UBE3B: variants seen among roughly 807,000 people sequenced by gnomAD.
UBE3B encodes the protein ubiquitin-protein ligase E3B.
In UBE3B, 80 loss-of-function variants were observed where a neutral mutation model predicts 132.3. The ratio of observed to expected loss-of-function variants is 0.60; its 90% CI spans 0.50 to 0.73. UBE3B has a LOEUF of 0.73. Among genes scored for constraint, UBE3B ranks in the 30% least tolerant of loss-of-function variants. The probability of loss-of-function intolerance (pLI) is 0.00; values close to 1 mark genes in which losing one functional copy is unlikely to be tolerated. For synonymous variants in UBE3B, 487 were observed against 520.4 expected (o/e 0.94, Z 0.87); for missense variants, 1,196 against 1,362.5 (o/e 0.88, Z 1.92).
intron 9 of UBE3B, chr12:109,491,375 A>G (rs183332870): frequency 2.6e-3 from 958 of 368,084 alleles, no homozygotes; most frequent in Non-Finnish European, 4.0e-3. Flanking sequence ...AAACTATTCA[A>G]AATGAATTTC....
intron 26 of UBE3B, among the ~76,000 whole-genome samples, chr12:109,531,973 C>T (rs1358378593): frequency 2.0e-5 from 3 of 151,870 alleles, no homozygotes; most frequent in African/African-American, 7.3e-5. Context: ...GCATACAGGC[C>T]CCAGAGCCAA....
intron 24 of UBE3B, chr12:109,528,358 G>A (rs1388680115): frequency 1.0e-6 from 1 of 985,200 alleles, no homozygotes; most frequent in Non-Finnish European, 1.2e-6. Flanking sequence ...CTGCTTCAAA[G>A]TATACCTGGA....
intron 21 of UBE3B, among the ~76,000 whole-genome samples, chr12:109,523,664 T>C (rs1881969367): frequency 6.7e-6 from 1 of 149,666 alleles, no homozygotes; most frequent in African/African-American, 2.5e-5. Flanking sequence ...TCCTCTTAAC[T>C]GAGAGGCTGG....
Position 109,521,797 on chromosome 12 carries a change from C to T in UBE3B, c.2364+246C>T, listed in dbSNP as rs1361615617. Among the ~76,000 whole-genome samples the T allele has an allele frequency of 6.6e-6, 1 of 152,032 alleles. No individual in the cohort carries two copies. Among genetic ancestry groups the T allele is most frequent in the Non-Finnish European group, 1.5e-5 (1 of 68,004 alleles). The stretch of plus-strand genomic sequence containing the variant: ...GTCCTGGCTATTTAAGGATGGGAGA[C>T]CTGAAGCTTTGAGGAGTCACCTGTC... On this transcript the variant is annotated intron_variant, in intron 21 of 27. Transcript: ENST00000342494. This position sits in a 1 kb window ranked among gnomAD's most constrained non-coding sequence, Gnocchi z 4.2.
intron 13 of UBE3B, among the ~76,000 whole-genome samples, chr12:109,502,484 C>G (rs1879125969): frequency 6.6e-6 from 1 of 152,206 alleles, no homozygotes; most frequent in Admixed American, 6.5e-5. Flanking sequence ...GTCTGTTCTT[C>G]TACTGAGTGT....
At chr12:109,491,272 G>A in intron 9 of UBE3B, 145 bp downstream of exon 9, 2 of 637,462 alleles carry the variant, frequency 3.1e-6, no homozygotes, top group Non-Finnish European at 5.1e-6. Context: ...ATGAAAGTGA[G>A]CACATTTGTG....
chr12:109,526,554 C>T (rs1882355074), intron 24 of UBE3B, 138 bp downstream of exon 24: 2 of 910,452 alleles, frequency 2.2e-6, no homozygotes, highest in African/African-American at 3.3e-5. Context: ...TTACTGGTTA[C>T]AGTTCATAGG....
In UBE3B at chr12:109,534,061, A is replaced by ATT. The variant is rs1883228586; in HGVS notation, c.3015+504_3015+505insTT. The ATT allele has an allele frequency of 3.9e-6, 5 of 1,294,162 alleles. No homozygotes were observed. The South Asian group carries it at 6.2e-5, about 16-fold the overall frequency. The allele number at this position is 1,294,162 out of a possible 1,614,324, so 80.2% of individuals were successfully genotyped here. On this transcript the variant is annotated intron_variant, in intron 27 of 27. Coordinates refer to ENST00000342494, the MANE Select transcript of UBE3B (RefSeq NM_130466.4). This position sits in a 1 kb window ranked among gnomAD's most constrained non-coding sequence, Gnocchi z 5.2. ...AGCCTGGCCCACTGTGGGTGCTCAA[A>ATT]TGAGAGTCCTACTCCCCATAAAAAC...
At chr12:109,496,308 T>C (rs972124770) in intron 9 of UBE3B, among the ~76,000 whole-genome samples, 2 of 152,258 alleles carry the variant, frequency 1.3e-5, no homozygotes, top group Non-Finnish European at 2.9e-5. Context: ...GAGTTGTTTC[T>C]ACTTTTTGGC....
At chr12:109,537,296 G>A (rs1042910173), downstream of UBE3B, among the ~76,000 whole-genome samples, 10 of 152,308 alleles carry the variant, frequency 6.6e-5, no homozygotes, top group South Asian at 2.1e-4. Flanking sequence ...ACACGCAGCC[G>A]TTCTCACTGC....
chr12:109,485,633 G>A (rs796645044), intron 4 of UBE3B, among the ~76,000 whole-genome samples: 4 of 152,350 alleles, frequency 2.6e-5, no homozygotes, highest in East Asian at 1.9e-4. Flanking sequence ...GCAAAAGTCA[G>A]TATCCATGGT....
rs995874948 is a variant in UBE3B, at chr12:109,529,983, C to T, written c.2721C>T (p.Ile907=). ...TCATTAGCGGATTCCGTTCCATTATCAAACCCGAGTGGATCCGAATGTTCT... is the reference window on the plus strand; with the variant it reads ...TCATTAGCGGATTCCGTTCCATTATTAAACCCGAGTGGATCCGAATGTTCT... ...AALISGFRSI[I]KPEWIRMFST... Residue 907 remains isoleucine (I), a synonymous_variant, in exon 25 of 28, where the codon ATC becomes ATT. Transcript: ENST00000342494. 13 of 1,614,036 alleles carry T rather than the reference C, an allele frequency of 8.1e-6. No homozygotes were observed. The highest frequency in any genetic ancestry group is 1.0e-5 in the Non-Finnish European group (12 of 1,180,048).
intron 8 of UBE3B, chr12:109,490,672 T>C (rs539760131): frequency 1.3e-6 from 2 of 1,497,164 alleles, no homozygotes; most frequent in African/African-American, 1.4e-5. Context: ...TCTGGCATTA[T>C]TTGTATTAGC....
At chr12:109,498,150 G>T in intron 10 of UBE3B, 83 bp from the exon 11 acceptor site, 3 of 1,563,286 alleles carry the variant, frequency 1.9e-6, no homozygotes, top group Non-Finnish European at 2.6e-6. Flanking sequence ...ATAACCACGG[G>T]TGATCTGCAA....
intron 23 of UBE3B, among the ~76,000 whole-genome samples, chr12:109,524,804 A>T (rs1882138974): frequency 6.6e-6 from 1 of 152,044 alleles, no homozygotes; most frequent in Non-Finnish European, 1.5e-5. Flanking sequence ...TAGCCGTTAC[A>T]AATGGAGGAT....
chr12:109,533,468 C>T lies in UBE3B; in HGVS notation c.2925C>T (p.Phe975=), dbSNP rs1390608713. ...ACTGACCCTGCTTTGTGTTGCAGTTCGTGACCAGCTGCTCCAGACCCCCGC... is the reference window on the plus strand; with the variant it reads ...ACTGACCCTGCTTTGTGTTGCAGTTTGTGACCAGCTGCTCCAGACCCCCGC... ...TPDERAMFLK[F]VTSCSRPPLL... Residue 975 remains phenylalanine, a splice_region_variant and synonymous_variant, in exon 27 of 28, where the codon TTC becomes TTT. Transcript: ENST00000342494. 4 of 1,614,068 alleles carry T rather than the reference C, an allele frequency of 2.5e-6. No individual in the cohort carries two copies. Among genetic ancestry groups the T allele is most frequent in the Non-Finnish European group, 2.5e-6 (3 of 1,179,946 alleles).
intron 15 of UBE3B, 57 bp downstream of exon 15, chr12:109,507,792 A>G (rs531396957): frequency 6.4e-7 from 1 of 1,554,160 alleles, no homozygotes; most frequent in African/African-American, 1.4e-5. Flanking sequence ...AGACCAAAAT[A>G]CAGTGTCAGT....
At chr12:109,493,440 A>G (rs555344807) in intron 9 of UBE3B, among the ~76,000 whole-genome samples, 1 of 152,348 alleles carries the variant, frequency 6.6e-6, no homozygotes, top group South Asian at 2.1e-4. Context: ...TGATTCACCA[A>G]CATGCTCACA....
intron 14 of UBE3B, among the ~76,000 whole-genome samples, chr12:109,504,971 A>C (rs1285121871): frequency 6.8e-6 from 1 of 147,128 alleles, no homozygotes; most frequent in Non-Finnish European, 1.5e-5. Context: ...ATGCCCGGCT[A>C]ATTTTTTTTT....
Sources: allele counts gnomAD v4.1 joint callset (sites outside exome capture counted in the v4.1 genomes callset), GRCh38; gene constraint gnomAD v4.1.1; non-coding constraint Gnocchi (gnomAD v3.1); transcripts MANE v1.5; gene names NCBI Gene and HGNC (gene_info 2026-07-23, HGNC 2026-07-21).